PYROXD1: variants seen among roughly 807,000 people sequenced by gnomAD.
PYROXD1 encodes the protein pyridine nucleotide-disulphide oxidoreductase domain 1, also known as tRNA ligase complex-associated NAD(P)H dehydrogenase PYROXD1.
A neutral mutation model predicts 62.0 loss-of-function variants in PYROXD1; 42 were observed. The observed-to-expected ratio is 0.68, with a 90% CI of 0.53 to 0.88. The LOEUF (loss-of-function observed/expected upper bound fraction) is 0.88, where lower values mean the gene tolerates loss of function less well. Among genes scored for constraint, PYROXD1 ranks in the 40% least tolerant of loss-of-function variants. The pLI, the probability that PYROXD1 is intolerant of heterozygous loss-of-function variation, is 0.00. For synonymous variants in PYROXD1, 170 were observed against 206.4 expected (o/e 0.82, Z 1.51); for missense variants, 493 against 604.8 (o/e 0.82, Z 1.94).
chr12:21,457,563 A>G (rs985426362), intron 7 of PYROXD1, among the ~76,000 whole-genome samples: 9 of 151,992 alleles, frequency 5.9e-5, no homozygotes, highest in African/African-American at 2.2e-4. Context: ...AGTAGGTAAT[A>G]TTTATAAAGA....
intron 5 of PYROXD1, 30 bp from the exon 6 acceptor site, chr12:21,455,102 C>G (rs370364689): frequency 3.1e-4 from 401 of 1,290,166 alleles, no homozygotes; most frequent in Admixed American, 6.2e-4. Context: ...CTTTTGAAAT[C>G]ACTCTTAGTA....
At chr12:21,460,911 A>T in intron 7 of PYROXD1, 114 bp from the exon 8 acceptor site, 1 of 652,046 alleles carries the variant, frequency 1.5e-6, no homozygotes, top group Non-Finnish European at 2.3e-6. Context: ...CATTTATATT[A>T]TAAGAATTAT....
chr12:21,448,384 A>C (rs1942432110), intron 3 of PYROXD1: 1 of 238,838 alleles, frequency 4.2e-6, no homozygotes, highest in Non-Finnish European at 8.0e-6. Flanking sequence ...TCTTGCCAAA[A>C]ATTTAGCAGT....
intron 3 of PYROXD1, chr12:21,448,185 C>T: frequency 1.6e-6 from 1 of 640,782 alleles, no homozygotes; most frequent in Admixed American, 2.0e-5. Context: ...GGCATCAGGG[C>T]CTTCACAGCC....
At chr12:21,438,074 T>C in intron 1 of PYROXD1, 1 of 530,658 alleles carries the variant, frequency 1.9e-6, no homozygotes. Flanking sequence ...GCTCAGATCC[T>C]TGTAATGTCA....
In PYROXD1 at chr12:21,450,870, C is replaced by T. The variant is rs370270921; in HGVS notation, c.414+1179C>T. ...GAATCCTCATGATAATCCTGTGTGA[C>T]GATTATTACTCCCAATTTACAAATA... On this transcript the variant is annotated intron_variant, in intron 4 of 11. Coordinates refer to ENST00000240651, the MANE Select transcript of PYROXD1 (RefSeq NM_024854.5). 2.6e-4 allele frequency among the ~76,000 whole-genome samples: 40 copies of T among 152,130 alleles called. No individual in the cohort carries two copies. In the South Asian group the frequency reaches 6.6e-3, roughly 25 times the overall value.
chr12:21,449,075 T>A (rs1470171931), intron 3 of PYROXD1, among the ~76,000 whole-genome samples: 1 of 152,182 alleles, frequency 6.6e-6, no homozygotes, highest in Non-Finnish European at 1.5e-5. Flanking sequence ...TGCTTTTCTG[T>A]ACTCATAATA....
intron 10 of PYROXD1, among the ~76,000 whole-genome samples, chr12:21,463,414 C>T (rs1051562504): frequency 6.6e-5 from 10 of 152,016 alleles, no homozygotes; most frequent in Admixed American, 2.6e-4. Flanking sequence ...ATGTTCTGGG[C>T]GCAGTGGCTC....
chr12:21,457,756 C>CT (rs1555141192), intron 7 of PYROXD1, among the ~76,000 whole-genome samples: 4 of 146,074 alleles, frequency 2.7e-5, no homozygotes, highest in African/African-American at 1.0e-4. Flanking sequence ...CATGAGAACT[C>CT]TAACATGAAA....
At chr12:21,455,477 T>TAA (rs398048318) in intron 6 of PYROXD1, among the ~76,000 whole-genome samples, 185 bp downstream of exon 6, 1 of 145,580 alleles carries the variant, frequency 6.9e-6, no homozygotes. Context: ...TATATATATA[T>TAA]AATTAAAACA....
At chr12:21,463,001 A>C in intron 10 of PYROXD1, 139 bp downstream of exon 10, 1 of 590,528 alleles carries the variant, frequency 1.7e-6, no homozygotes, top group Middle Eastern at 3.3e-4. Flanking sequence ...ATATATATTT[A>C]AAAAAAAAAC....
chr12:21,449,423 C>T, intron 3 of PYROXD1, 140 bp from the exon 4 acceptor site: 2 of 619,028 alleles, frequency 3.2e-6, no homozygotes, highest in African/African-American at 1.9e-5. Flanking sequence ...ATTGCTATAA[C>T]AAAGAACTGA....
chr12:21,468,450 C>T (rs1229245297), intron 11 of PYROXD1, 56 bp from the exon 12 acceptor site: 2 of 1,485,614 alleles, frequency 1.3e-6, no homozygotes, highest in Non-Finnish European at 1.9e-6. Context: ...AAATAACTAC[C>T]CATTACATTT....
At chr12:21,451,305 A>G (rs1190541991) in intron 4 of PYROXD1, among the ~76,000 whole-genome samples, 1 of 151,486 alleles carries the variant, frequency 6.6e-6, no homozygotes, top group Admixed American at 6.6e-5. Flanking sequence ...GGTTTGTTAC[A>G]TATGTATACA....
rs1024650997 is a variant in PYROXD1, at chr12:21,468,493, T to C, written c.1255-13T>C. ...GATACTCATGACAATAACCTTTTTA[T>C]CTCTAAATATAGGTTGTACTGCTGG... On this transcript the variant is annotated splice_polypyrimidine_tract_variant and intron_variant, in intron 11 of 11. Coordinates refer to ENST00000240651, the MANE Select transcript of PYROXD1 (RefSeq NM_024854.5). The C allele has an allele frequency of 1.2e-6, 2 of 1,602,340 alleles. No individual in the cohort carries two copies. The highest frequency in any genetic ancestry group is 1.7e-4 in the Middle Eastern group (1 of 5,996).
At chr12:21,468,317 A>T (rs746529227) in intron 11 of PYROXD1, among the ~76,000 whole-genome samples, 189 bp from the exon 12 acceptor site, 16 of 152,068 alleles carry the variant, frequency 1.1e-4, no homozygotes, top group Non-Finnish European at 2.2e-4. Context: ...AGAGTGTGTG[A>T]TAGTGTCATC....
intron 7 of PYROXD1, 110 bp downstream of exon 7, chr12:21,456,205 A>T: frequency 1.5e-6 from 1 of 671,642 alleles, no homozygotes; most frequent in Non-Finnish European, 2.5e-6. Context: ...AGGTCACTTT[A>T]CTTAAAATCC....
chr12:21,461,936 G>C, intron 8 of PYROXD1, 72 bp from the exon 9 acceptor site: 2 of 798,360 alleles, frequency 2.5e-6, no homozygotes, highest in South Asian at 1.8e-5. Flanking sequence ...AGTCATTGTA[G>C]TCACATACAC....
chr12:21,467,046 A>T (rs1942808425), intron 10 of PYROXD1, among the ~76,000 whole-genome samples: 1 of 152,174 alleles, frequency 6.6e-6, no homozygotes, highest in South Asian at 2.1e-4. Context: ...GAGTCTGTCT[A>T]ACCACTGAGG....
Sources: gnomAD v4.1 joint callset for allele counts (sites outside exome capture counted in the v4.1 genomes callset) on GRCh38, gnomAD v4.1.1 for gene constraint, MANE v1.5 for transcripts, NCBI Gene and HGNC (gene_info 2026-07-23, HGNC 2026-07-21) for gene names.